The following JAKMIP2 variants were observed in gnomAD, a reference collection of about 807,000 sequenced individuals.
The protein encoded by JAKMIP2 is janus kinase and microtubule-interacting protein 2.
In JAKMIP2, 25 loss-of-function variants were observed where a neutral mutation model predicts 115.0. The observed-to-expected ratio is 0.22, with a 90% CI of 0.16 to 0.30. The LOEUF is 0.30. JAKMIP2 is among the 10% of genes least tolerant of loss of function. The pLI is 1.00. For synonymous variants in JAKMIP2, 334 were observed against 343.6 expected, an observed-to-expected ratio of 0.97 and a Z score of 0.31; for missense variants, 642 against 957.6, an observed-to-expected ratio of 0.67 and a Z score of 4.35.
At chr5:147,707,211 T>C (rs1408661501) in intron 1 of JAKMIP2, among the ~76,000 whole-genome samples, 1 of 152,164 alleles carries the variant, frequency 6.6e-6, no homozygotes, top group Non-Finnish European at 1.5e-5. Context: ...GTGCAACCAG[T>C]ATTAATAAGT....
At chr5:147,738,016 A>G (rs569111060) in intron 1 of JAKMIP2, among the ~76,000 whole-genome samples, 2 of 152,278 alleles carry the variant, frequency 1.3e-5, no homozygotes, top group African/African-American at 2.4e-5. Context: ...AAAAGAAACA[A>G]TTTATTTAGA....
intron 10 of JAKMIP2, among the ~76,000 whole-genome samples, chr5:147,638,432 C>G (rs1217972019): frequency 6.6e-6 from 1 of 152,142 alleles, no homozygotes; most frequent in Non-Finnish European, 1.5e-5. Flanking sequence ...TTGGTAAGAA[C>G]ACTTAACCAC....
intron 16 of JAKMIP2, among the ~76,000 whole-genome samples, chr5:147,624,543 A>C (rs1201182835): frequency 6.6e-6 from 1 of 152,200 alleles, no homozygotes; most frequent in African/African-American, 2.4e-5. Context: ...ATTTTTGTGA[A>C]GTGGAGGTGT....
intron 1 of JAKMIP2, among the ~76,000 whole-genome samples, chr5:147,732,384 T>A (rs73797165): frequency 1.7e-3 from 252 of 152,320 alleles, no homozygotes; most frequent in African/African-American, 5.8e-3. Context: ...CCCATCTTGC[T>A]GGATAGATTC....
rs528181186 is a variant in JAKMIP2, at chr5:147,746,101, C to T, written c.-149+36355G>A. On this transcript the variant is annotated intron_variant, in intron 1 of 21. Transcript: ENST00000616793. ...GTTTGTAATTTTGAGAGAATAGGAT[C>T]CAAGTTGGAAAAATCCAAAAGTAAA... is the stretch of plus-strand genomic sequence containing the variant. Among the ~76,000 whole-genome samples the T allele has an allele frequency of 6.6e-5, 10 of 152,192 alleles. No individual in the cohort carries two copies. The South Asian group carries it at 2.1e-3, about 32-fold the overall frequency.
At chr5:147,717,836 AT>A (rs1176461484) in intron 1 of JAKMIP2, among the ~76,000 whole-genome samples, 2 of 87,192 alleles carry the variant, frequency 2.3e-5, no homozygotes, top group South Asian at 5.1e-4. Flanking sequence ...AATACCCTTT[AT>A]TTCCTTCTCC....
chr5:147,779,043 T>C (rs902344260), intron 1 of JAKMIP2, among the ~76,000 whole-genome samples: 1 of 152,160 alleles, frequency 6.6e-6, no homozygotes, highest in Non-Finnish European at 1.5e-5. Context: ...GCGTTATTTA[T>C]GTTAAAACTT....
chr5:147,592,616 G>A (rs1755152528), intron 21 of JAKMIP2, among the ~76,000 whole-genome samples: 1 of 152,148 alleles, frequency 6.6e-6, no homozygotes, highest in Non-Finnish European at 1.5e-5. Flanking sequence ...TTTAGGGTCT[G>A]AACAACATGG....
At chr5:147,657,365 AGATCCGCTGGTAGTCT>A (rs1758732368) in intron 3 of JAKMIP2, among the ~76,000 whole-genome samples, 2 of 152,232 alleles carry the variant, frequency 1.3e-5, no homozygotes, top group Admixed American at 1.3e-4. Context: ...TTCTGTTGAG[AGATCCGCTGGTAGTCT>A]GATGGGCTTC....
intron 1 of JAKMIP2, among the ~76,000 whole-genome samples, chr5:147,775,380 G>A (rs1186785929): frequency 1.3e-5 from 2 of 152,132 alleles, no homozygotes; most frequent in Non-Finnish European, 2.9e-5. Context: ...TAGCACAATA[G>A]CTGTGAGTGT....
intron 1 of JAKMIP2, among the ~76,000 whole-genome samples, chr5:147,748,001 T>C (rs370362278): frequency 7.4e-4 from 113 of 152,342 alleles, no homozygotes; most frequent in African/African-American, 2.5e-3. Context: ...ACTTTATTAT[T>C]GATAACAATA....
chr5:147,654,520 T>C (rs1352941096), intron 3 of JAKMIP2, among the ~76,000 whole-genome samples: 1 of 152,116 alleles, frequency 6.6e-6, no homozygotes, highest in East Asian at 1.9e-4. Flanking sequence ...TGCTTGTCTA[T>C]TGTTGGTGTA....
rs1464544290 is a variant in JAKMIP2 at position 147,739,174 on chromosome 5, G to A, written c.-149+43282C>T. 2.0e-5 allele frequency among the ~76,000 whole-genome samples: 3 copies of A among 152,240 alleles called. No individual in the cohort carries two copies. The East Asian group carries it at 5.8e-4, about 29-fold the overall frequency. ...TTAATATGGGTCTCCCAGAACTTTA[G>A]AGGCAACAGACTTGAGTCAGACTCT... On this transcript the variant is annotated intron_variant, in intron 1 of 21. Transcript: ENST00000616793.
intron 1 of JAKMIP2, among the ~76,000 whole-genome samples, chr5:147,681,675 T>C (rs1415303252): frequency 6.6e-6 from 1 of 151,996 alleles, no homozygotes; most frequent in African/African-American, 2.4e-5. Context: ...TTTAATACAG[T>C]GTGATAATCA....
At chr5:147,598,361 C>T (rs1755504137) in intron 21 of JAKMIP2, among the ~76,000 whole-genome samples, 1 of 152,108 alleles carries the variant, frequency 6.6e-6, no homozygotes. Context: ...GATGGCTTAC[C>T]ATGGGACTTC....
At chr5:147,664,495 A>C (rs1288757672) in intron 2 of JAKMIP2, among the ~76,000 whole-genome samples, 1 of 152,090 alleles carries the variant, frequency 6.6e-6, no homozygotes, top group African/African-American at 2.4e-5. Context: ...CCCAGATGCC[A>C]CAGTTTCTTC....
At chr5:147,657,488 G>T (rs1425236344) in intron 3 of JAKMIP2, among the ~76,000 whole-genome samples, 1 of 152,118 alleles carries the variant, frequency 6.6e-6, no homozygotes, top group Non-Finnish European at 1.5e-5. Flanking sequence ...TCTTGGGGTT[G>T]ATCTTCTAAT....
chr5:147,690,963 G>A (rs865917970), intron 1 of JAKMIP2, among the ~76,000 whole-genome samples: 1 of 152,038 alleles, frequency 6.6e-6, no homozygotes, highest in East Asian at 1.9e-4. Flanking sequence ...CTTCCTGGGG[G>A]TAGGTGCCTG....
chr5:147,742,877 G>C (rs1381595843), intron 1 of JAKMIP2, among the ~76,000 whole-genome samples: 4 of 150,810 alleles, frequency 2.7e-5, no homozygotes, highest in African/African-American at 4.9e-5. Context: ...TAAAAAAAAA[G>C]TCTAGCACAA....
Sources: gnomAD v4.1 joint callset for allele counts (sites outside exome capture counted in the v4.1 genomes callset) on GRCh38, gnomAD v4.1.1 for gene constraint, MANE v1.5 for transcripts, NCBI Gene and HGNC (gene_info 2026-07-23, HGNC 2026-07-21) for gene names.